DAAM2: variants seen among roughly 807,000 people sequenced by gnomAD.
DAAM2 encodes the protein dishevelled associated activator of morphogenesis 2.
In DAAM2, 39 loss-of-function variants were observed where a neutral mutation model predicts 120.7. The observed-to-expected ratio is 0.32, with a 90% CI of 0.25 to 0.42. The LOEUF (loss-of-function observed/expected upper bound fraction) is 0.42, where lower values mean the gene tolerates loss of function less well. Among genes scored for constraint, DAAM2 ranks in the 10% least tolerant of loss-of-function variants. The pLI is 1.00. For synonymous variants in DAAM2, 488 were observed against 524.9 expected, an observed-to-expected ratio of 0.93 and a Z score of 0.96; for missense variants, 1,283 against 1,401.7, an observed-to-expected ratio of 0.92 and a Z score of 1.35.
chr6:39,904,112 TCCCA>T lies in DAAM2; in HGVS notation c.*2082_*2085del, dbSNP rs1766643859. 1 of 442,568 alleles carries T rather than the reference TCCCA, an allele frequency of 2.3e-6. No homozygotes were observed. The highest frequency in any genetic ancestry group is 2.0e-5 in the African/African-American group (1 of 49,490). 27.4% of individuals were successfully genotyped at this position (442,568 alleles called of 1,614,324 possible). A position where few individuals can be genotyped will look rare whatever the true frequency, so the allele number is the denominator to read the frequency against. On this transcript the variant is annotated 3_prime_UTR_variant, in exon 25 of 25. Transcript: ENST00000274867. Reference sequence around the variant, plus strand: ...AGGGCTCCACAAGCGTGTCTGGCATTCCCACCCACCATGGAAGACTGGATACGCA... The same window carrying T: ...AGGGCTCCACAAGCGTGTCTGGCATTCCCACCATGGAAGACTGGATACGCA...
chr6:39,896,713 C>G, intron 19 of DAAM2, 99 bp from the exon 20 acceptor site: 8 of 1,055,950 alleles, frequency 7.6e-6, no homozygotes, highest in Non-Finnish European at 6.5e-6. Context: ...ATTTGACAGC[C>G]CCTTTTCTGA....
At chr6:39,860,816 T>C (rs1457597050) in intron 2 of DAAM2, 112 bp from the exon 3 acceptor site, 7 of 820,012 alleles carry the variant, frequency 8.5e-6, no homozygotes, top group South Asian at 3.2e-5. Flanking sequence ...GGGAGGAAGA[T>C]AGTAGTAGCC....
At chr6:39,846,321 AG>A (rs1763589321) in intron 1 of DAAM2, among the ~76,000 whole-genome samples, 2 of 152,340 alleles carry the variant, frequency 1.3e-5, no homozygotes, top group Admixed American at 1.3e-4. Context: ...TTCATGGGAT[AG>A]GATTCAATTC....
chr6:39,838,892 C>A (rs556086614), intron 1 of DAAM2, among the ~76,000 whole-genome samples: 1 of 152,016 alleles, frequency 6.6e-6, no homozygotes, highest in East Asian at 1.9e-4. Context: ...CTCCTGACCG[C>A]AAGTGACCCA....
rs1050804665 is a variant in DAAM2 at position 39,896,996 on chromosome 6, C to G, written c.2510+16C>G. 6.3e-7 allele frequency: 1 copy of G among 1,596,336 alleles called. No individual in the cohort carries two copies. The highest frequency in any genetic ancestry group is 1.3e-5 in the African/African-American group (1 of 74,586). On this transcript the variant is annotated intron_variant, in intron 20 of 24. Transcript: ENST00000274867. ...GCATCGACAGGTGAGGACCTCCCTTCCCGGCCACTTCCTTGGCCTCTATCT... is the reference window on the plus strand; with the variant it reads ...GCATCGACAGGTGAGGACCTCCCTTGCCGGCCACTTCCTTGGCCTCTATCT...
intron 1 of DAAM2, 75 bp from the exon 2 acceptor site, chr6:39,856,172 T>C: frequency 7.8e-7 from 1 of 1,287,260 alleles, no homozygotes. Flanking sequence ...ACAGAGGTTA[T>C]GAAGGCAGAG....
At chr6:39,794,837 A>AGTTTAAAT (rs1245893910) in intron 1 of DAAM2, among the ~76,000 whole-genome samples, 3 of 152,244 alleles carry the variant, frequency 2.0e-5, no homozygotes, top group Non-Finnish European at 4.4e-5. Flanking sequence ...GGAAGTAACA[A>AGTTTAAAT]GTTTAAATGT....
chr6:39,801,909 G>C (rs1761875692), intron 1 of DAAM2, among the ~76,000 whole-genome samples: 1 of 152,214 alleles, frequency 6.6e-6, no homozygotes, highest in Non-Finnish European at 1.5e-5. Context: ...AGTGATTCCA[G>C]GTCAGTGGGA....
Position 39,883,907 on chromosome 6 carries a change from TC to T in DAAM2, c.1846-54del. On this transcript the variant is annotated intron_variant, in intron 14 of 24. Coordinates refer to ENST00000274867, the MANE Select transcript of DAAM2 (RefSeq NM_001201427.2). Reference sequence around the variant, plus strand: ...AGTGGGGTTAGGGAGGCATGGAGCATCTTCATGATGGAGTTGGGCCAACCAT... The same window carrying T: ...AGTGGGGTTAGGGAGGCATGGAGCATTTCATGATGGAGTTGGGCCAACCAT... 3.3e-6 allele frequency: 4 copies of T among 1,199,258 alleles called. No homozygotes were observed. The South Asian group carries it at 5.1e-5, about 15-fold the overall frequency. 74.3% of individuals were successfully genotyped at this position (1,199,258 alleles called of 1,614,324 possible).
In DAAM2 at chr6:39,856,273, T is replaced by C. The variant is rs2149283100; in HGVS notation, c.-30T>C. On this transcript the variant is annotated 5_prime_UTR_variant, in exon 2 of 25. Coordinates refer to ENST00000274867, the MANE Select transcript of DAAM2 (RefSeq NM_001201427.2). Reference sequence around the variant, plus strand: ...TCACAATGAGGACCTAGGGCATCTGTCTGCTGACGCCCCCTGGCCTGCAGT... The same window carrying C: ...TCACAATGAGGACCTAGGGCATCTGCCTGCTGACGCCCCCTGGCCTGCAGT... The C allele has an allele frequency of 1.4e-6, 2 of 1,451,732 alleles. No individual in the cohort carries two copies. The highest frequency in any genetic ancestry group is 9.1e-7 in the Non-Finnish European group (1 of 1,100,694). 89.9% of individuals were successfully genotyped at this position (1,451,732 alleles called of 1,614,324 possible). A position where few individuals can be genotyped will look rare whatever the true frequency, so the allele number is the denominator to read the frequency against.
intron 22 of DAAM2, 42 bp from the exon 23 acceptor site, chr6:39,900,035 T>A (rs1214881204): frequency 1.3e-6 from 2 of 1,581,158 alleles, no homozygotes; most frequent in East Asian, 2.3e-5. Context: ...CCGACTCTCA[T>A]CTTGGCACCA....
At position 39,879,204 on chromosome 6, in the gene DAAM2, C is replaced by T. The variant is rs539156916; in HGVS notation, c.1572C>T (p.Pro524=). 3.2e-6 allele frequency: 5 copies of T among 1,549,686 alleles called. No individual in the cohort carries two copies. The highest frequency in any genetic ancestry group is 4.4e-6 in the Non-Finnish European group (5 of 1,145,996). ...LSTGPVSSPP[P]PGGPLTLSSS... ...CAGGCCCTGTATCTTCCCCACCACC[C>T]CCTGGGGGCCCACTCACCTTGTCTT... is the stretch of plus-strand genomic sequence containing the variant. Residue 524 remains proline, a synonymous_variant, in exon 14 of 25, where the codon CCC becomes CCT. Coordinates refer to ENST00000274867, the MANE Select transcript of DAAM2 (RefSeq NM_001201427.2).
At chr6:39,888,531 T>C (rs1765507996) in intron 16 of DAAM2, 148 bp from the exon 17 acceptor site, 3 of 594,106 alleles carry the variant, frequency 5.0e-6, no homozygotes, top group African/African-American at 3.7e-5. Flanking sequence ...ACTAGTCTAA[T>C]CTAAGAAGGC....
At chr6:39,869,062 A>G (rs1044649804) in intron 7 of DAAM2, 129 bp downstream of exon 7, 4 of 702,480 alleles carry the variant, frequency 5.7e-6, no homozygotes, top group African/African-American at 5.3e-5. Context: ...GGAGTTGCCT[A>G]CATAGGTAGC....
At position 39,904,263 on chromosome 6, in the gene DAAM2, C is replaced by G. The variant is rs1001853641; in HGVS notation, c.*2226C>G. 9 of 456,642 alleles carry G rather than the reference C, an allele frequency of 2.0e-5. No individual in the cohort carries two copies. The highest frequency in any genetic ancestry group is 1.6e-4 in the African/African-American group (8 of 50,086). 28.3% of individuals were successfully genotyped at this position (456,642 alleles called of 1,614,324 possible). ...TGTTCCAGAGCTCAGCCTTCTCACT[C>G]TAAAAGAAAGATATTTTTCTATTTA... On this transcript the variant is annotated 3_prime_UTR_variant, in exon 25 of 25. Transcript: ENST00000274867.
chr6:39,883,395 G>A (rs1391951569), intron 14 of DAAM2: 1 of 153,076 alleles, frequency 6.5e-6, no homozygotes, highest in South Asian at 2.1e-4. Flanking sequence ...GTCACTACAG[G>A]TGCCAGGTCC....
chr6:39,881,899 A>C (rs1025728878), intron 14 of DAAM2: 3 of 152,092 alleles, frequency 2.0e-5, no homozygotes, highest in Non-Finnish European at 4.4e-5. Flanking sequence ...AAAAAAAATC[A>C]TGGAGACTCA....
chr6:39,874,226 T>C (rs897301060), intron 10 of DAAM2, among the ~76,000 whole-genome samples: 2 of 152,146 alleles, frequency 1.3e-5, no homozygotes, highest in African/African-American at 4.8e-5. Flanking sequence ...ATAGAAAGAA[T>C]TTTGGTTTCT....
At chr6:39,796,979 C>A (rs2113984766) in intron 1 of DAAM2, among the ~76,000 whole-genome samples, 1 of 152,344 alleles carries the variant, frequency 6.6e-6, no homozygotes, top group East Asian at 1.9e-4. Flanking sequence ...TGGGTTTAGA[C>A]ATTTGTCCAC....
Sources: allele counts gnomAD v4.1 joint callset (sites outside exome capture counted in the v4.1 genomes callset), GRCh38; gene constraint gnomAD v4.1.1; transcripts MANE v1.5; gene names NCBI Gene and HGNC (gene_info 2026-07-23, HGNC 2026-07-21).